STXBP5: variants seen among roughly 807,000 people sequenced by gnomAD.
The protein encoded by STXBP5 is syntaxin binding protein 5.
A neutral mutation model predicts 152.4 loss-of-function variants in STXBP5; 50 were observed. That is an observed-to-expected ratio of 0.33 (90% confidence interval 0.26 to 0.42). The LOEUF is 0.42. STXBP5 is among the 10% of genes least tolerant of loss of function. The pLI, the probability that STXBP5 is intolerant of heterozygous loss-of-function variation, is 1.00. For synonymous variants in STXBP5, 492 were observed against 494.7 expected (o/e 0.99, Z 0.07); for missense variants, 1,167 against 1,388.6 (o/e 0.84, Z 2.54).
At chr6:147,373,444 A>G (rs1462364329) in intron 25 of STXBP5, among the ~76,000 whole-genome samples, 1 of 151,834 alleles carries the variant, frequency 6.6e-6, no homozygotes, top group African/African-American at 2.4e-5. Context: ...TTATATGAAA[A>G]TTTTGTCTGA....
At position 147,314,012 on chromosome 6, in the gene STXBP5, G is replaced by A. The variant is rs146516430; in HGVS notation, c.1274G>A (p.Arg425His). 32 of 1,588,098 alleles carry A rather than the reference G, an allele frequency of 2.0e-5. No homozygotes were observed. The highest frequency in any genetic ancestry group is 5.4e-5 in the African/African-American group (4 of 74,312). ...ALYSVGARQK[R>H]QGYSKKEWPI... ...TATTCTGTTGGAGCTAGACAGAAAC[G>A]TCAAGGTTACAGCAAAAAGGTATTG... is the stretch of plus-strand genomic sequence containing the variant. Residue 425 changes from arginine (R) to histidine (H), a missense_variant, in exon 12 of 28, where the codon CGT becomes CAT. Coordinates refer to ENST00000321680, the MANE Select transcript of STXBP5 (RefSeq NM_001127715.4).
intron 4 of STXBP5, among the ~76,000 whole-genome samples, chr6:147,254,759 A>G (rs1779272309): frequency 6.6e-6 from 1 of 152,228 alleles, no homozygotes. Flanking sequence ...AATCAAAACC[A>G]CAATGAGATA....
In STXBP5 at chr6:147,388,884, G is replaced by A. The variant is rs975178957; in HGVS notation, c.*4129G>A. The A allele has an allele frequency of 6.6e-6, 1 of 151,086 alleles. No homozygotes were observed. Among genetic ancestry groups the A allele is most frequent in the Non-Finnish European group, 1.5e-5 (1 of 67,488 alleles). 9.4% of individuals were successfully genotyped at this position (151,086 alleles called of 1,614,324 possible). ...TTTTTAAAAATAAATTTCCAAAAATGAAAACAGAGTTTATGTATTTTTGTC... is the reference window on the plus strand; with the variant it reads ...TTTTTAAAAATAAATTTCCAAAAATAAAAACAGAGTTTATGTATTTTTGTC... On this transcript the variant is annotated 3_prime_UTR_variant, in exon 28 of 28. Transcript: ENST00000321680.
chr6:147,217,637 T>A (rs1777243647), intron 2 of STXBP5, among the ~76,000 whole-genome samples: 1 of 152,198 alleles, frequency 6.6e-6, no homozygotes, highest in Non-Finnish European at 1.5e-5. Context: ...TAATAAAAAA[T>A]TTCTTACTAA....
At chr6:147,322,091 G>C (rs1053199837) in intron 16 of STXBP5, among the ~76,000 whole-genome samples, 3 of 152,192 alleles carry the variant, frequency 2.0e-5, no homozygotes, top group African/African-American at 4.8e-5. Flanking sequence ...GGAATGCCTG[G>C]TTCTGCTCTT....
At chr6:147,303,047 C>T (rs1781905811) in intron 9 of STXBP5, among the ~76,000 whole-genome samples, 1 of 152,086 alleles carries the variant, frequency 6.6e-6, no homozygotes. Flanking sequence ...GACAAATTGC[C>T]ATATTGCTTT....
At chr6:147,255,136 G>T (rs147129232) in intron 4 of STXBP5, among the ~76,000 whole-genome samples, 3 of 152,258 alleles carry the variant, frequency 2.0e-5, no homozygotes, top group Non-Finnish European at 4.4e-5. Context: ...CCATGCAGCC[G>T]TAAAAAAGGA....
chr6:147,339,115 T>G (rs1783973150), intron 19 of STXBP5, 64 bp from the exon 20 acceptor site: 1 of 1,348,910 alleles, frequency 7.4e-7, no homozygotes, highest in African/African-American at 1.5e-5. Flanking sequence ...ACATTTTTCT[T>G]GTTACAGCTC....
intron 21 of STXBP5, among the ~76,000 whole-genome samples, chr6:147,350,053 A>AT (rs750446798): frequency 1.1e-3 from 175 of 152,286 alleles, no homozygotes; most frequent in Admixed American, 2.5e-3. Context: ...AAAATAATAA[A>AT]TTGACTATAT....
chr6:147,219,865 C>T (rs1322990738), intron 2 of STXBP5, among the ~76,000 whole-genome samples: 1 of 122,860 alleles, frequency 8.1e-6, no homozygotes, highest in African/African-American at 3.0e-5. Flanking sequence ...CTTTTGATCT[C>T]CTGTATTCAG....
At chr6:147,230,060 T>G (rs1490870891) in intron 2 of STXBP5, among the ~76,000 whole-genome samples, 1 of 151,936 alleles carries the variant, frequency 6.6e-6, no homozygotes, top group Non-Finnish European at 1.5e-5. Context: ...GTTGAGAGTT[T>G]AATGATAAAA....
At chr6:147,295,704 A>G (rs1781485790) in intron 9 of STXBP5, among the ~76,000 whole-genome samples, 1 of 152,212 alleles carries the variant, frequency 6.6e-6, no homozygotes, top group Non-Finnish European at 1.5e-5. Context: ...TTACCACTGC[A>G]GGCACATGCA....
chr6:147,375,094 T>C (rs910596156), intron 26 of STXBP5, among the ~76,000 whole-genome samples: 1 of 152,098 alleles, frequency 6.6e-6, no homozygotes, highest in African/African-American at 2.4e-5. Flanking sequence ...CTACAAATAA[T>C]TTTTCAAATA....
chr6:147,266,147 T>C (rs1393289775), intron 6 of STXBP5, among the ~76,000 whole-genome samples: 1 of 152,070 alleles, frequency 6.6e-6, no homozygotes, highest in Admixed American at 6.6e-5. Flanking sequence ...TGTAATGTAT[T>C]GAGTGGCCAT....
chr6:147,284,548 A>G (rs1365105149), intron 8 of STXBP5, among the ~76,000 whole-genome samples: 2 of 152,238 alleles, frequency 1.3e-5, no homozygotes, highest in Non-Finnish European at 2.9e-5. Flanking sequence ...ATGGAAACAA[A>G]TAAGTGGTGA....
At chr6:147,273,942 ACT>A (rs886809495) in intron 7 of STXBP5, among the ~76,000 whole-genome samples, 2 of 149,560 alleles carry the variant, frequency 1.3e-5, no homozygotes, top group African/African-American at 4.9e-5. Flanking sequence ...ACAGAGCGAG[ACT>A]CTGGCAAAAA....
rs1468870309 is a variant in STXBP5 at position 147,353,342 on chromosome 6, A to G, written c.2274A>G (p.Leu758=). ...ANDIAKMSRK[L]SLPTDLKPDL... ...TTTCAGCAAAGATGTCAAGGAAGTTAAGCTTACCTACTGACCTAAAGCCTG... is the reference window on the plus strand; with the variant it reads ...TTTCAGCAAAGATGTCAAGGAAGTTGAGCTTACCTACTGACCTAAAGCCTG... Residue 758 remains leucine (L), a synonymous_variant, in exon 22 of 28, where the codon TTA becomes TTG. Coordinates refer to ENST00000321680, the MANE Select transcript of STXBP5 (RefSeq NM_001127715.4). 6.3e-7 allele frequency: 1 copy of G among 1,583,964 alleles called. No homozygotes were observed. Among genetic ancestry groups the G allele is most frequent in the Non-Finnish European group, 8.6e-7 (1 of 1,163,960 alleles).
chr6:147,229,751 T>A (rs1343311180), intron 2 of STXBP5, among the ~76,000 whole-genome samples: 1 of 151,942 alleles, frequency 6.6e-6, no homozygotes, highest in Non-Finnish European at 1.5e-5. Flanking sequence ...TCATTCCAGT[T>A]TTTTTTAGTG....
At chr6:147,214,678 A>G (rs953296698) in intron 2 of STXBP5, among the ~76,000 whole-genome samples, 1 of 152,200 alleles carries the variant, frequency 6.6e-6, no homozygotes, top group Non-Finnish European at 1.5e-5. Context: ...TTTATAAGTA[A>G]TATGTGACAT....
Sources: gnomAD v4.1 joint callset for allele counts (sites outside exome capture counted in the v4.1 genomes callset) on GRCh38, gnomAD v4.1.1 for gene constraint, MANE v1.5 for transcripts, NCBI Gene and HGNC (gene_info 2026-07-23, HGNC 2026-07-21) for gene names.